Variants in RNF216 observed in about 807,000 individuals in gnomAD.
RNF216 encodes the protein ring finger protein 216.
Under a neutral mutation model 110.8 loss-of-function variants are expected in RNF216, and 72 were observed. The ratio of observed to expected loss-of-function variants is 0.65; its 90% CI spans 0.54 to 0.79. RNF216 has a LOEUF of 0.79. Ranked by LOEUF, RNF216 falls within the 30% of genes least tolerant of loss-of-function variation. The pLI, the probability that RNF216 is intolerant of heterozygous loss-of-function variation, is 0.00. For synonymous variants in RNF216, 495 were observed against 407.5 expected (o/e 1.21, Z -2.59); for missense variants, 1,342 against 1,141.2 (o/e 1.18, Z -2.54).
At chr7:5,723,706 T>C (rs1793585102) in intron 8 of RNF216, among the ~76,000 whole-genome samples, 1 of 152,176 alleles carries the variant, frequency 6.6e-6, no homozygotes, top group South Asian at 2.1e-4. Flanking sequence ...CTAATGTATT[T>C]TCCTGCATGA....
chr7:5,716,578 T>C (rs1793079272), intron 10 of RNF216, 138 bp downstream of exon 10: 4 of 622,726 alleles, frequency 6.4e-6, no homozygotes, highest in South Asian at 2.2e-5. Flanking sequence ...TATCTGACTA[T>C]AACTTGGCTG....
chr7:5,673,652 C>A (rs911781778), intron 13 of RNF216, among the ~76,000 whole-genome samples: 13 of 152,164 alleles, frequency 8.5e-5, no homozygotes, highest in Non-Finnish European at 1.6e-4. Context: ...TAAAACACCC[C>A]ATATCATCAC....
intron 2 of RNF216, among the ~76,000 whole-genome samples, chr7:5,759,174 T>C (rs974317681): frequency 6.6e-6 from 1 of 152,156 alleles, no homozygotes; most frequent in Non-Finnish European, 1.5e-5. Flanking sequence ...GCTTCCCCTT[T>C]TCCTTCTGTC....
intron 2 of RNF216, among the ~76,000 whole-genome samples, chr7:5,760,105 A>G (rs1463143432): frequency 6.6e-6 from 1 of 152,196 alleles, no homozygotes; most frequent in African/African-American, 2.4e-5. Context: ...TTTTCCTTTT[A>G]GCCCAAGTGT....
At chr7:5,780,016 T>C (rs961580388) in intron 1 of RNF216, 2 of 152,076 alleles carry the variant, frequency 1.3e-5, no homozygotes, top group African/African-American at 4.8e-5. Flanking sequence ...CCCATTTTTA[T>C]AAGACCCTGT....
At chr7:5,653,166 T>G (rs1239756407) in intron 13 of RNF216, among the ~76,000 whole-genome samples, 1 of 152,190 alleles carries the variant, frequency 6.6e-6, no homozygotes, top group African/African-American at 2.4e-5. Flanking sequence ...CTCATCGGCA[T>G]GGATGTCACC....
At chr7:5,710,070 T>A (rs935401305) in intron 13 of RNF216, among the ~76,000 whole-genome samples, 3 of 152,200 alleles carry the variant, frequency 2.0e-5, no homozygotes, top group African/African-American at 7.2e-5. Context: ...TGCTTTTAAA[T>A]GTCTTCAGGC....
In RNF216 at chr7:5,761,488, G is replaced by C. The variant is rs1795930746; in HGVS notation, c.-69-350C>G. Among the ~76,000 whole-genome samples the C allele has an allele frequency of 2.0e-5, 3 of 152,088 alleles. No homozygotes were observed. In the South Asian group the frequency reaches 6.2e-4, roughly 31 times the overall value. On this transcript the variant is annotated intron_variant, in intron 1 of 16. Transcript: ENST00000389902. ...CTAATAATCAGGGAAAGGCAAATCAGAAAATGAATTATGTTTCAGCCAGAC... is the reference window on the plus strand; with the variant it reads ...CTAATAATCAGGGAAAGGCAAATCACAAAATGAATTATGTTTCAGCCAGAC...
chr7:5,734,688 G>A (rs1188983888), intron 5 of RNF216, among the ~76,000 whole-genome samples: 1 of 151,092 alleles, frequency 6.6e-6, no homozygotes, highest in Non-Finnish European at 1.5e-5. Flanking sequence ...GCCAGGTGAG[G>A]TAACACATGC....
At chr7:5,755,409 A>C (rs1162944780) in intron 2 of RNF216, among the ~76,000 whole-genome samples, 1 of 152,228 alleles carries the variant, frequency 6.6e-6, no homozygotes, top group East Asian at 1.9e-4. Flanking sequence ...TCAAGTGTAC[A>C]AGCTCTATGA....
intron 13 of RNF216, among the ~76,000 whole-genome samples, chr7:5,682,459 G>A (rs1217055009): frequency 6.6e-6 from 1 of 150,378 alleles, no homozygotes; most frequent in African/African-American, 2.5e-5. Flanking sequence ...CCAGGCTGCA[G>A]TGCAGTGGCG....
At position 5,624,761 on chromosome 7, in the gene RNF216, C is replaced by T. The variant is rs1252476203; in HGVS notation, c.2383-636G>A. 6.6e-6 allele frequency among the ~76,000 whole-genome samples: 1 copy of T among 152,244 alleles called. No homozygotes were observed. Among genetic ancestry groups the T allele is most frequent in the African/African-American group, 2.4e-5 (1 of 41,468 alleles). On this transcript the variant is annotated intron_variant, in intron 15 of 16. Transcript: ENST00000389902. The surrounding 1 kb of genome is among the most constrained non-coding windows in gnomAD (Gnocchi z 4.4). Reference sequence around the variant, plus strand: ...ACAATTCACACTTGGGTTATCCAAGCCTCAGACACGAACCGAAGAGGCACT... The same window carrying T: ...ACAATTCACACTTGGGTTATCCAAGTCTCAGACACGAACCGAAGAGGCACT...
At chr7:5,749,461 T>A (rs879444266) in intron 3 of RNF216, among the ~76,000 whole-genome samples, 4 of 152,108 alleles carry the variant, frequency 2.6e-5, no homozygotes, top group Non-Finnish European at 4.4e-5. Context: ...TATATGGATG[T>A]TTTTTATATT....
chr7:5,660,265 CTTTTTTTTTTTTTTTTTTTTTTTTTTT>C (rs66617363), intron 13 of RNF216, among the ~76,000 whole-genome samples: 344 of 33,644 alleles, frequency 0.01, 2 homozygotes, highest in African/African-American at 0.03. Flanking sequence ...GTTTTAAATT[CTTTTTTTTTTTTTTTTTTTTTTTTTTT>C]TTTTTTTTTT....
At chr7:5,642,465 C>T (rs1240700595) in intron 14 of RNF216, among the ~76,000 whole-genome samples, 6 of 151,948 alleles carry the variant, frequency 3.9e-5, no homozygotes, top group Non-Finnish European at 7.4e-5. Flanking sequence ...CCACCTGCCT[C>T]GGCCTCCCAA....
At chr7:5,713,868 A>G (rs1006850718) in intron 11 of RNF216, among the ~76,000 whole-genome samples, 1 of 152,218 alleles carries the variant, frequency 6.6e-6, no homozygotes, top group African/African-American at 2.4e-5. Flanking sequence ...GATTATTTCC[A>G]TTTTACAGAG....
chr7:5,658,528 T>C (rs1788889549), intron 13 of RNF216, among the ~76,000 whole-genome samples: 1 of 149,848 alleles, frequency 6.7e-6, no homozygotes, highest in Admixed American at 6.6e-5. Flanking sequence ...TGTGGTGGTA[T>C]GTGCCTGTAG....
chr7:5,721,820 A>G (rs1342492619), intron 8 of RNF216, among the ~76,000 whole-genome samples: 2 of 152,264 alleles, frequency 1.3e-5, no homozygotes, highest in Non-Finnish European at 2.9e-5. Context: ...ACCTAGATTC[A>G]CCACAATATA....
intron 15 of RNF216, among the ~76,000 whole-genome samples, chr7:5,629,962 A>AG (rs1786969702): frequency 6.6e-6 from 1 of 152,030 alleles, no homozygotes; most frequent in South Asian, 2.1e-4. Context: ...TCCATTCTGG[A>AG]GTCAAGTCCC....
Sources: gnomAD v4.1 joint callset for allele counts (sites outside exome capture counted in the v4.1 genomes callset) on GRCh38, gnomAD v4.1.1 for gene constraint, Gnocchi (gnomAD v3.1) non-coding constraint, MANE v1.5 for transcripts, NCBI Gene and HGNC (gene_info 2026-07-23, HGNC 2026-07-21) for gene names.